MSH3: variants seen among roughly 807,000 people sequenced by gnomAD.
MSH3 encodes mutS homolog 3.
In MSH3, 106 loss-of-function variants were observed where a neutral mutation model predicts 123.3. The ratio of observed to expected loss-of-function variants is 0.86; its 90% CI spans 0.73 to 1.01. The LOEUF (loss-of-function observed/expected upper bound fraction) is 1.01, where lower values mean the gene tolerates loss of function less well. Among genes scored for constraint, MSH3 ranks in the 50% least tolerant of loss-of-function variants. MSH3 has a pLI of 0.00. For missense variants in MSH3, 1,459 were observed against 1,347.6 expected, an observed-to-expected ratio of 1.08 and a Z score of -1.29; for synonymous variants, 515 against 481.4, an observed-to-expected ratio of 1.07 and a Z score of -0.91.
At chr5:80,760,319 G>T (rs951818529) in intron 12 of MSH3, among the ~76,000 whole-genome samples, 2 of 152,174 alleles carry the variant, frequency 1.3e-5, no homozygotes, top group African/African-American at 4.8e-5. Context: ...ATTATACCTA[G>T]TGTGGGCCTT....
intron 2 of MSH3, among the ~76,000 whole-genome samples, chr5:80,659,752 C>A (rs1270614641): frequency 6.6e-6 from 1 of 152,150 alleles, no homozygotes; most frequent in Non-Finnish European, 1.5e-5. Flanking sequence ...ATCTTGCATT[C>A]CTATAACTCT....
chr5:80,769,872 T>C (rs531917642), intron 15 of MSH3, among the ~76,000 whole-genome samples: 2 of 152,276 alleles, frequency 1.3e-5, no homozygotes, highest in South Asian at 4.1e-4. Flanking sequence ...GTTGAATGTA[T>C]AGTTATTTGA....
At chr5:80,863,438 A>G (rs922757623) in intron 21 of MSH3, among the ~76,000 whole-genome samples, 5 of 152,164 alleles carry the variant, frequency 3.3e-5, no homozygotes, top group Non-Finnish European at 5.9e-5. Context: ...TGGGAGGCCA[A>G]GGTGGGTGGA....
intron 12 of MSH3, among the ~76,000 whole-genome samples, chr5:80,748,878 T>C (rs1743774452): frequency 6.6e-6 from 1 of 152,084 alleles, no homozygotes; most frequent in Non-Finnish European, 1.5e-5. Context: ...GTCTCTAAAA[T>C]GGTGAGTTAA....
chr5:80,683,144 G>T (rs1214967163), intron 8 of MSH3, among the ~76,000 whole-genome samples: 1 of 152,150 alleles, frequency 6.6e-6, no homozygotes, highest in Non-Finnish European at 1.5e-5. Flanking sequence ...CTTAGCTCTT[G>T]TGAATAGTGC....
chr5:80,697,106 G>A (rs1750499829), intron 8 of MSH3, among the ~76,000 whole-genome samples: 1 of 152,142 alleles, frequency 6.6e-6, no homozygotes, highest in African/African-American at 2.4e-5. Flanking sequence ...CTGTCATGAT[G>A]ATTAGTTCAT....
intron 17 of MSH3, among the ~76,000 whole-genome samples, chr5:80,784,212 CAAAA>C (rs1192783960): frequency 1.7e-4 from 2 of 11,984 alleles, no homozygotes; most frequent in African/African-American, 3.9e-4. Flanking sequence ...TACTACGTCG[CAAAA>C]AAAAAAAAAA....
At chr5:80,864,607 G>A (rs545094702) in intron 21 of MSH3, among the ~76,000 whole-genome samples, 1 of 152,244 alleles carries the variant, frequency 6.6e-6, no homozygotes, top group South Asian at 2.1e-4. Flanking sequence ...AAAAATGTCT[G>A]TGTCTGTGGA....
rs1275624430 is a variant in MSH3 at position 80,654,741 on chromosome 5, A to T, written c.14A>T (p.Lys5Met). The change falls in exon 1 of 24, where the codon AAG becomes ATG. Residue 5 changes from lysine to methionine, a missense_variant. Lys to Met is a moderately conservative substitution (Grantham distance 95). Coordinates refer to ENST00000265081, the MANE Select transcript of MSH3 (RefSeq NM_002439.5). MSRR[K>M]PASGGLAASS... ...CCTTGCCCTGCCATGTCTCGCCGGA[A>T]GCCTGCGTCGGGCGGCCTCGCTGCC... 6.2e-7 allele frequency: 1 copy of T among 1,601,732 alleles called. No individual in the cohort carries two copies. The highest frequency in any genetic ancestry group is 8.5e-7 in the Non-Finnish European group (1 of 1,175,724).
At chr5:80,681,852 G>C (rs4704679) in intron 8 of MSH3, among the ~76,000 whole-genome samples, 18,906 of 152,018 alleles carry the variant, frequency 0.12, 1,652 homozygotes, top group East Asian at 0.33. Flanking sequence ...CTAAATGTTT[G>C]TTCATCACAT....
chr5:80,706,568 T>G (rs1750727650), intron 8 of MSH3, among the ~76,000 whole-genome samples: 1 of 152,226 alleles, frequency 6.6e-6, no homozygotes, highest in Admixed American at 6.5e-5. Context: ...TTTAAAGATT[T>G]ACCATGTGTT....
intron 10 of MSH3, among the ~76,000 whole-genome samples, chr5:80,736,173 C>T (rs1022138076): frequency 1.9e-4 from 29 of 152,194 alleles, no homozygotes; most frequent in Non-Finnish European, 3.4e-4. Flanking sequence ...TTGCAGTGAG[C>T]CGAGATCGCG....
chr5:80,699,375 A>G (rs1750554853), intron 8 of MSH3, among the ~76,000 whole-genome samples: 1 of 152,090 alleles, frequency 6.6e-6, no homozygotes, highest in Non-Finnish European at 1.5e-5. Context: ...CCTGGCCAAC[A>G]TGGTGAAACC....
At chr5:80,698,439 G>A (rs1049316437) in intron 8 of MSH3, among the ~76,000 whole-genome samples, 1 of 152,144 alleles carries the variant, frequency 6.6e-6, no homozygotes, top group South Asian at 2.1e-4. Context: ...TAATGAAAGC[G>A]CTGGTTGAAA....
chr5:80,735,079 A>G (rs1044547149), intron 10 of MSH3, among the ~76,000 whole-genome samples: 5 of 152,170 alleles, frequency 3.3e-5, no homozygotes, highest in South Asian at 2.1e-4. Context: ...AAAACATTCT[A>G]TGAAGTTTAA....
At chr5:80,847,535 G>T (rs1266711452) in intron 20 of MSH3, among the ~76,000 whole-genome samples, 2 of 152,010 alleles carry the variant, frequency 1.3e-5, no homozygotes, top group Admixed American at 1.3e-4. Flanking sequence ...TTATCTTCCA[G>T]TATTACATTC....
In MSH3 at chr5:80,682,912, GTTGTT is replaced by G. The variant is rs1292540259; in HGVS notation, c.1340+3822_1340+3826del. Among the ~76,000 whole-genome samples the G allele has an allele frequency of 3.9e-5, 6 of 152,180 alleles. No homozygotes were observed. The East Asian group carries it at 1.2e-3, about 29-fold the overall frequency. ...TCTACTCTCTATCTCCATGAGTTCAGTTGTTTTAATTTTTAGCTCCCACAAGTAGG... is the reference window on the plus strand; with the variant it reads ...TCTACTCTCTATCTCCATGAGTTCAGTTAATTTTTAGCTCCCACAAGTAGG... On this transcript the variant is annotated intron_variant, in intron 8 of 23. Coordinates refer to ENST00000265081, the MANE Select transcript of MSH3 (RefSeq NM_002439.5).
intron 8 of MSH3, among the ~76,000 whole-genome samples, chr5:80,717,392 G>A (rs577131672): frequency 8.5e-5 from 13 of 152,246 alleles, no homozygotes; most frequent in African/African-American, 2.6e-4. Context: ...TCAGCCGCCT[G>A]AGTAGCTGGG....
intron 19 of MSH3, among the ~76,000 whole-genome samples, chr5:80,794,044 G>A (rs1744653364): frequency 6.6e-6 from 1 of 152,140 alleles, no homozygotes; most frequent in African/African-American, 2.4e-5. Context: ...AGAGTGAGGT[G>A]TGGTTATTTG....
Sources: allele counts gnomAD v4.1 joint callset (sites outside exome capture counted in the v4.1 genomes callset), GRCh38; gene constraint gnomAD v4.1.1; transcripts MANE v1.5; gene names NCBI Gene and HGNC (gene_info 2026-07-23, HGNC 2026-07-21).